The following CDKL5 variants were observed in gnomAD, a reference collection of about 807,000 sequenced individuals.
CDKL5 encodes the protein cyclin-dependent kinase-like 5.
CDKL5 carries 8 observed loss-of-function variants against 61.7 expected under a neutral mutation model. That is an observed-to-expected ratio of 0.13 (90% CI 0.08 to 0.23). The LOEUF is 0.23. Ranked by LOEUF, CDKL5 falls within the 10% of genes least tolerant of loss-of-function variation. The pLI, the probability that CDKL5 is intolerant of heterozygous loss-of-function variation, is 1.00. For synonymous variants in CDKL5, 275 were observed against 272.3 expected (o/e 1.01, Z -0.10); for missense variants, 440 against 734.5 (o/e 0.60, Z 4.63).
chrX:18,469,120 T>C (rs1920994547), intron 1 of CDKL5, among the ~76,000 whole-genome samples: 2 of 101,722 alleles, frequency 2.0e-5, no homozygotes, highest in African/African-American at 7.2e-5. Context: ...GGGCAGATCA[T>C]TGGAGGTCAG....
chrX:18,590,630 G>A (rs771978055), intron 9 of CDKL5, among the ~76,000 whole-genome samples: 3 of 111,572 alleles, frequency 2.7e-5, no homozygotes, highest in Non-Finnish European at 3.8e-5. Flanking sequence ...CCTCAGGCAA[G>A]TTTGTTGTTT....
chrX:18,618,025 C>T (rs771750185), intron 15 of CDKL5, among the ~76,000 whole-genome samples: 1 of 112,385 alleles, frequency 8.9e-6, no homozygotes, highest in South Asian at 3.7e-4. Context: ...TGCATAGATT[C>T]TCCTCTTACC....
chrX:18,564,786 A>T (rs1033156646), intron 4 of CDKL5, among the ~76,000 whole-genome samples: 1 of 111,037 alleles, frequency 9.0e-6, no homozygotes, highest in South Asian at 3.8e-4. Context: ...TGCAAGCAGC[A>T]TTGGAAATCT....
At chrX:18,509,193 A>ACACG (rs1457367295) in intron 2 of CDKL5, among the ~76,000 whole-genome samples, 14 of 57,622 alleles carry the variant, frequency 2.4e-4, no homozygotes, top group Middle Eastern at 8.6e-3. Flanking sequence ...CTGTCTCAAA[A>ACACG]CACGCACACA....
At chrX:18,556,103 G>A (rs891734934) in intron 3 of CDKL5, among the ~76,000 whole-genome samples, 3 of 111,393 alleles carry the variant, frequency 2.7e-5, no homozygotes, top group Admixed American at 1.9e-4. Context: ...TGTATCCTGT[G>A]CTTGAATTTC....
In CDKL5 at chrX:18,639,793, A is replaced by T. The variant is rs926949568; in HGVS notation, c.*11036A>T. On this transcript the variant is annotated 3_prime_UTR_variant, in exon 18 of 18. Coordinates refer to ENST00000623535, the MANE Select transcript of CDKL5 (RefSeq NM_001323289.2). ...TAAATAACAATGTGCTCTTGACATG[A>T]TACTGAACAATGATGTTCAGCAATA... The T allele has an allele frequency of 3.6e-5, 4 of 112,571 alleles. No individual in the cohort carries two copies. The highest frequency in any genetic ancestry group is 7.5e-5 in the Non-Finnish European group (4 of 53,373). 9.3% of individuals were successfully genotyped at this position (112,571 alleles called of 1,213,427 possible).
chrX:18,519,515 G>A (rs918557673), intron 3 of CDKL5, among the ~76,000 whole-genome samples: 3 of 111,548 alleles, frequency 2.7e-5, no homozygotes, highest in Admixed American at 1.9e-4. Flanking sequence ...TTACTTTTCC[G>A]TTGATCTGGA....
intron 3 of CDKL5, among the ~76,000 whole-genome samples, chrX:18,554,374 GAT>G (rs1184357568): frequency 4.7e-5 from 5 of 106,890 alleles, no homozygotes; most frequent in Non-Finnish European, 9.6e-5. Context: ...AAAAAAAAAG[GAT>G]ATATGTTTTC....
At chrX:18,625,471 C>G (rs927607328) in intron 17 of CDKL5, among the ~76,000 whole-genome samples, 5 of 111,265 alleles carry the variant, frequency 4.5e-5, no homozygotes, top group Non-Finnish European at 9.4e-5. Context: ...TTCTGTTAGC[C>G]TTCACCTAGC....
At chrX:18,514,396 A>G (rs930882052) in intron 3 of CDKL5, among the ~76,000 whole-genome samples, 1 of 111,392 alleles carries the variant, frequency 9.0e-6, no homozygotes, top group Non-Finnish European at 1.9e-5. Context: ...AGGACTCATT[A>G]TGACTACTCA....
intron 11 of CDKL5, among the ~76,000 whole-genome samples, chrX:18,603,244 C>G (rs746527026): frequency 5.3e-5 from 6 of 112,170 alleles, no homozygotes; most frequent in Non-Finnish European, 1.1e-4. Flanking sequence ...TGAAGAGCCC[C>G]AAGTAATTGC....
rs779361711 is a variant in CDKL5 at position 18,518,388 on chromosome X, A to ATTTTT, written c.99+7565_99+7569dup. 8.3e-3 allele frequency among the ~76,000 whole-genome samples: 176 copies of ATTTTT among 21,171 alleles called. 24 individuals are homozygous for ATTTTT. The highest frequency in any genetic ancestry group is 0.016 in the East Asian group (8 of 486). The allele number at this position is 21,171 out of a possible 115,157, so 18.4% of individuals were successfully genotyped here. The stretch of plus-strand genomic sequence containing the variant: ...AAGTCATGTTTTCTTTTCTTTTCTT[A>ATTTTT]TTTTTTTTTTTTTTTTTTTTTTTTT... On this transcript the variant is annotated intron_variant, in intron 3 of 17. Transcript: ENST00000623535.
chrX:18,639,229 C>T lies in CDKL5; in HGVS notation c.*10472C>T, dbSNP rs1488066752. On this transcript the variant is annotated 3_prime_UTR_variant, in exon 18 of 18. Coordinates refer to ENST00000623535, the MANE Select transcript of CDKL5 (RefSeq NM_001323289.2). ...AATTTTGTGCTTAAGAGGACTCTAT[C>T]GAGAGGGTTAAAAAGATCCACAGAA... Among the ~76,000 whole-genome samples the T allele has an allele frequency of 1.8e-5, 2 of 112,005 alleles. No individual in the cohort carries two copies. The highest frequency in any genetic ancestry group is 3.2e-5 in the African/African-American group (1 of 30,860).
At chrX:18,495,240 T>C (rs886600754) in intron 1 of CDKL5, among the ~76,000 whole-genome samples, 1 of 112,333 alleles carries the variant, frequency 8.9e-6, no homozygotes, top group Non-Finnish European at 1.9e-5. Flanking sequence ...TTGTACTCTC[T>C]TTGGGAAGAA....
Position 18,637,743 on chromosome X carries a change from GATA to G in CDKL5, c.*8991_*8993del, listed in dbSNP as rs1373331692. 3.6e-5 allele frequency: 4 copies of G among 111,307 alleles called. No homozygotes were observed. The highest frequency in any genetic ancestry group is 7.5e-5 in the Non-Finnish European group (4 of 53,106). 9.2% of individuals were successfully genotyped at this position (111,307 alleles called of 1,213,427 possible). On this transcript the variant is annotated 3_prime_UTR_variant, in exon 18 of 18. Transcript: ENST00000623535. ...CAGTGTTGTTGTGAAGATTTAATGA[GATA>G]ATAACCTGCAGAGCACTTGAGAGTC...
At chrX:18,494,590 C>A (rs1184604210) in intron 1 of CDKL5, among the ~76,000 whole-genome samples, 1 of 111,861 alleles carries the variant, frequency 8.9e-6, no homozygotes, top group Non-Finnish European at 1.9e-5. Context: ...AATCCAAAGA[C>A]CCTCATATTA....
intron 3 of CDKL5, among the ~76,000 whole-genome samples, chrX:18,547,494 ATGT>A (rs772359363): frequency 8.9e-6 from 1 of 112,487 alleles, no homozygotes; most frequent in Admixed American, 9.4e-5. Context: ...TGCTTCAGTG[ATGT>A]TCTTGACATC....
rs749628005 is a variant in CDKL5, at chrX:18,546,787, A to G, written c.100-17690A>G. Among the ~76,000 whole-genome samples, 10 of 111,517 alleles carry G rather than the reference A, an allele frequency of 9.0e-5. No individual in the cohort carries two copies. In the South Asian group the frequency reaches 1.9e-3, roughly 21 times the overall value. Reference sequence around the variant, plus strand: ...GGCTGGGAAGTGAGGCCGCATGGCAAAGCATAGATTCCAGTGCAGTTGTGG... The same window carrying G: ...GGCTGGGAAGTGAGGCCGCATGGCAGAGCATAGATTCCAGTGCAGTTGTGG... On this transcript the variant is annotated intron_variant, in intron 3 of 17. Transcript: ENST00000623535.
At chrX:18,612,000 T>G (rs1926567893) in intron 14 of CDKL5, among the ~76,000 whole-genome samples, 2 of 112,103 alleles carry the variant, frequency 1.8e-5, no homozygotes, top group African/African-American at 6.5e-5. Flanking sequence ...CCTTTTGTGG[T>G]AAAATTTCCA....
Sources: allele counts gnomAD v4.1 joint callset (sites outside exome capture counted in the v4.1 genomes callset), GRCh38; gene constraint gnomAD v4.1.1; transcripts MANE v1.5; gene names NCBI Gene and HGNC (gene_info 2026-07-23, HGNC 2026-07-21).